Variants in ANKRD30B observed in about 807,000 individuals in gnomAD.
The protein encoded by ANKRD30B is ankyrin repeat domain-containing protein 30B.
Under a neutral mutation model 202.2 loss-of-function variants are expected in ANKRD30B, and 144 were observed. That is an observed-to-expected ratio of 0.71 (90% confidence interval 0.62 to 0.82). The LOEUF (loss-of-function observed/expected upper bound fraction) is 0.82. ANKRD30B is among the 40% of genes least tolerant of loss of function. ANKRD30B has a pLI of 0.00. For missense variants in ANKRD30B, 1,487 were observed against 1,669.1 expected (o/e 0.89, Z 1.90); for synonymous variants, 508 against 561.3 (o/e 0.91, Z 1.34).
the ANKRD30B span, among the ~76,000 whole-genome samples, chr18:14,871,317 TCTTGGCA>T: frequency 6.9e-6 from 1 of 144,100 alleles, no homozygotes; most frequent in African/African-American, 2.6e-5. Context: ...ATTCCCACGC[TCTTGGCA>T]GGTTGGTCAT....
intron 3 of ANKRD30B, 25 bp downstream of exon 3, chr18:14,753,037 C>T (rs1913723733): frequency 6.6e-7 from 1 of 1,518,644 alleles, no homozygotes; most frequent in Non-Finnish European, 8.9e-7. Context: ...ATGTTATTTT[C>T]AAAATATTTG....
At chr18:14,788,024 C>T (rs1968199598) in intron 15 of ANKRD30B, among the ~76,000 whole-genome samples, 1 of 151,928 alleles carries the variant, frequency 6.6e-6, no homozygotes, top group South Asian at 2.1e-4. Context: ...TATTTTAAGC[C>T]CCTGTTTACC....
rs1233234357 is a variant in ANKRD30B at position 14,847,514 on chromosome 18, T to G, written c.3182-1202T>G. On this transcript the variant is annotated intron_variant, in intron 39 of 43. Coordinates refer to ENST00000690538, the MANE Select transcript of ANKRD30B (RefSeq NM_001367607.2). The stretch of plus-strand genomic sequence containing the variant: ...TCAAATTTGTGAATCTTTTCTTGCA[T>G]AGATGATGGCAAATCAATCTATGCT... Among the ~76,000 whole-genome samples, 5 of 81,356 alleles carry G rather than the reference T, an allele frequency of 6.1e-5. 1 individual carries two copies. The highest frequency in any genetic ancestry group is 2.2e-4 in the Admixed American group (2 of 9,016). 53.4% of individuals were successfully genotyped at this position (81,356 alleles called of 152,430 possible).
chr18:14,859,153 C>T (rs1241055024), downstream of ANKRD30B, among the ~76,000 whole-genome samples: 124 of 116,588 alleles, frequency 1.1e-3, 1 homozygote, highest in South Asian at 0.028. Context: ...CAGGAAGAGG[C>T]GCTCCTCACC....
intron 9 of ANKRD30B, among the ~76,000 whole-genome samples, chr18:14,773,973 C>A (rs1364129336): frequency 3.9e-5 from 6 of 152,082 alleles, no homozygotes; most frequent in African/African-American, 1.4e-4. Context: ...TTCTATTAAA[C>A]ATATCTTGTC....
At chr18:14,902,738 C>T in the ANKRD30B span, among the ~76,000 whole-genome samples, 1 of 152,282 alleles carries the variant, frequency 6.6e-6, no homozygotes, top group African/African-American at 2.4e-5. Context: ...TTCACTTGCA[C>T]ACTCACTTGT....
chr18:14,885,011 C>A, the ANKRD30B span, among the ~76,000 whole-genome samples: 1 of 152,012 alleles, frequency 6.6e-6, no homozygotes, highest in African/African-American at 2.4e-5. Context: ...TATTAAGATA[C>A]ATATTGAGAA....
the ANKRD30B span, among the ~76,000 whole-genome samples, chr18:14,933,570 A>C: frequency 9.4e-4 from 143 of 152,264 alleles, no homozygotes; most frequent in Non-Finnish European, 1.7e-3. Context: ...TCCCGGGACC[A>C]GGATTCTTCC....
At chr18:14,886,061 A>G in the ANKRD30B span, among the ~76,000 whole-genome samples, 13 of 151,934 alleles carry the variant, frequency 8.6e-5, no homozygotes, top group South Asian at 4.1e-4. Context: ...CTTTTTGTCA[A>G]ATCATCACAG....
chr18:14,914,074 C>T, the ANKRD30B span, among the ~76,000 whole-genome samples: 2 of 152,178 alleles, frequency 1.3e-5, no homozygotes, highest in African/African-American at 4.8e-5. Flanking sequence ...AGACCATCCT[C>T]ATAACTTCCC....
chr18:14,823,839 G>A (rs1970556775), intron 32 of ANKRD30B, among the ~76,000 whole-genome samples: 1 of 152,162 alleles, frequency 6.6e-6, no homozygotes, highest in Admixed American at 6.5e-5. Context: ...GCCGGTTGTG[G>A]TGGTGGGTGC....
chr18:14,914,450 C>A, the ANKRD30B span, among the ~76,000 whole-genome samples: 2 of 152,278 alleles, frequency 1.3e-5, no homozygotes, highest in East Asian at 1.9e-4. Flanking sequence ...GACCAGAGAG[C>A]TCTGGGAACA....
chr18:14,750,848 T>C (rs11877784), intron 1 of ANKRD30B, among the ~76,000 whole-genome samples: 61,043 of 151,944 alleles, frequency 0.4, 13,420 homozygotes, highest in East Asian at 0.58. Flanking sequence ...TCTTGTGTTA[T>C]CTGAAATTAT....
At chr18:14,808,600 A>G (rs1206131192) in intron 25 of ANKRD30B, 21 bp downstream of exon 25, 1 of 1,573,496 alleles carries the variant, frequency 6.4e-7, no homozygotes, top group Non-Finnish European at 8.7e-7. Flanking sequence ...TTATATTTCT[A>G]TGTTGAATAT....
At chr18:14,923,089 C>G in the ANKRD30B span, among the ~76,000 whole-genome samples, 14 of 152,086 alleles carry the variant, frequency 9.2e-5, no homozygotes, top group Non-Finnish European at 1.5e-4. Context: ...GTCCACAGGC[C>G]CTGAAGAACC....
At chr18:14,854,876 CACACG>C (rs1972032682), downstream of ANKRD30B, among the ~76,000 whole-genome samples, 1 of 151,378 alleles carries the variant, frequency 6.6e-6, no homozygotes, top group African/African-American at 2.4e-5. Flanking sequence ...CACACACACA[CACACG>C]CTCTACCCTT....
At chr18:14,808,813 T>G in intron 26 of ANKRD30B, 69 bp downstream of exon 26, 2 of 1,345,898 alleles carry the variant, frequency 1.5e-6, no homozygotes, top group Non-Finnish European at 2.0e-6. Context: ...CCAAGAGCCT[T>G]TTATTCCCAA....
intron 4 of ANKRD30B, among the ~76,000 whole-genome samples, chr18:14,755,404 T>A (rs1402969472): frequency 6.6e-6 from 1 of 152,106 alleles, no homozygotes; most frequent in East Asian, 1.9e-4. Flanking sequence ...TTTCTTTTTT[T>A]ATTATTATTA....
At chr18:14,781,288 CTTT>C (rs892666549) in intron 11 of ANKRD30B, among the ~76,000 whole-genome samples, 1 of 85,672 alleles carries the variant, frequency 1.2e-5, no homozygotes, top group Non-Finnish European at 2.1e-5. Flanking sequence ...TCTGAGTATT[CTTT>C]TTTTTTTTTT....
Sources: allele counts gnomAD v4.1 joint callset (sites outside exome capture counted in the v4.1 genomes callset), GRCh38; gene constraint gnomAD v4.1.1; transcripts MANE v1.5; gene names NCBI Gene and HGNC (gene_info 2026-07-23, HGNC 2026-07-21).